CAMK4: variants seen among roughly 807,000 people sequenced by gnomAD.
CAMK4 encodes the protein calcium/calmodulin-dependent protein kinase type IV.
CAMK4 carries 22 observed loss-of-function variants against 44.9 expected under a neutral mutation model. The observed-to-expected ratio is 0.49, with a 90% confidence interval of 0.35 to 0.70. The LOEUF (loss-of-function observed/expected upper bound fraction) is 0.70. Among genes scored for constraint, CAMK4 ranks in the 30% least tolerant of loss-of-function variants. CAMK4 has a pLI of 0.01. For missense variants in CAMK4, 498 were observed against 586.8 expected (o/e 0.85, Z 1.56); for synonymous variants, 218 against 215.4 (o/e 1.01, Z -0.11).
At chr5:111,243,266 C>T (rs1428332964) in intron 1 of CAMK4, among the ~76,000 whole-genome samples, 1 of 152,122 alleles carries the variant, frequency 6.6e-6, no homozygotes, top group Admixed American at 6.5e-5. Context: ...TAAGAGGAAA[C>T]ATCGGTGATA....
chr5:111,289,539 C>T (rs2112621564), intron 1 of CAMK4, among the ~76,000 whole-genome samples: 1 of 152,310 alleles, frequency 6.6e-6, no homozygotes, highest in East Asian at 1.9e-4. Context: ...AGCTAATAGT[C>T]TTAATTGTTG....
In CAMK4 at chr5:111,424,434, C is replaced by CTTT. The variant is rs34618322; in HGVS notation, c.460-22226_460-22224dup. On this transcript the variant is annotated intron_variant, in intron 5 of 10. Transcript: ENST00000282356. ...TATATGCATATATGCATCTTCTATT[C>CTTT]TTTTTTTTTTTTTTTTTTTTTTTTT... is the stretch of plus-strand genomic sequence containing the variant. Among the ~76,000 whole-genome samples the CTTT allele has an allele frequency of 3.9e-4, 25 of 64,916 alleles. 1 individual carries two copies. The highest frequency in any genetic ancestry group is 7.2e-4 in the South Asian group (1 of 1,392). The allele number at this position is 64,916 out of a possible 152,430, so 42.6% of individuals were successfully genotyped here.
In CAMK4 at chr5:111,482,874, T is replaced by G. The variant is rs753752146; in HGVS notation, c.918T>G (p.Asn306Lys). The part of the protein sequence containing the change: ...QHPWVTGKAA[N>K]FVHMDTAQKK... ...CGTGGGTCACAGGTAAAGCAGCCAA[T>G]TTTGTACACATGGATACCGCTCAAA... The change falls in exon 10 of 11, where the codon AAT becomes AAG. Residue 306 changes from asparagine to lysine, a missense_variant. Around this residue, in one of 3 missense-constraint regions of CAMK4, gnomAD observed 203 missense variants for 298.2 expected, o/e 0.68. Coordinates refer to ENST00000282356, the MANE Select transcript of CAMK4 (RefSeq NM_001744.6). This position sits in a 1 kb window ranked among gnomAD's most constrained non-coding sequence, Gnocchi z 4.9. The G allele has an allele frequency of 5.0e-6, 8 of 1,613,732 alleles. No homozygotes were observed. In the Middle Eastern group the frequency reaches 6.6e-4, roughly 133 times the overall value.
intron 1 of CAMK4, among the ~76,000 whole-genome samples, chr5:111,311,275 A>C (rs535460612): frequency 3.9e-5 from 6 of 152,200 alleles, no homozygotes; most frequent in Non-Finnish European, 8.8e-5. Context: ...TGGCAGATGG[A>C]GGGGCTGCCT....
At chr5:111,370,235 CTGAG>C (rs1431165124) in intron 2 of CAMK4, among the ~76,000 whole-genome samples, 1 of 152,090 alleles carries the variant, frequency 6.6e-6, no homozygotes, top group Non-Finnish European at 1.5e-5. Context: ...CTGGCCTGTT[CTGAG>C]TATTTTTTGA....
chr5:111,441,596 A>C (rs571417455), intron 5 of CAMK4, among the ~76,000 whole-genome samples: 1 of 152,260 alleles, frequency 6.6e-6, no homozygotes, highest in African/African-American at 2.4e-5. Flanking sequence ...CAGATTTTAA[A>C]AATCTTCTCC....
intron 1 of CAMK4, among the ~76,000 whole-genome samples, chr5:111,261,755 A>G (rs1014613840): frequency 2.0e-5 from 3 of 152,062 alleles, no homozygotes; most frequent in African/African-American, 7.2e-5. Flanking sequence ...TTACCCCTTC[A>G]GGTATGGGGC....
chr5:111,230,794 T>A (rs1457116), intron 1 of CAMK4, among the ~76,000 whole-genome samples: 151,949 of 152,104 alleles, frequency 1, 75,899 homozygotes, highest in Middle Eastern at 1. Flanking sequence ...TTTGTTAATA[T>A]TTTTTTTCTT....
intron 7 of CAMK4, among the ~76,000 whole-genome samples, chr5:111,470,156 T>C (rs1755013090): frequency 6.6e-6 from 1 of 152,230 alleles, no homozygotes; most frequent in African/African-American, 2.4e-5. Flanking sequence ...TGAGTTCCCC[T>C]TTACAAGGGA....
chr5:111,341,537 C>A (rs1224351611), intron 1 of CAMK4, among the ~76,000 whole-genome samples: 1 of 150,378 alleles, frequency 6.6e-6, no homozygotes, highest in African/African-American at 2.4e-5. Flanking sequence ...ATTTTTGGAT[C>A]CTTTTTTAAA....
chr5:111,444,518 T>TCCACACTGGG (rs1753959515), intron 5 of CAMK4, among the ~76,000 whole-genome samples: 1 of 152,114 alleles, frequency 6.6e-6, no homozygotes, highest in East Asian at 1.9e-4. Flanking sequence ...TCCTGCAGAA[T>TCCACACTGGG]CCACACTGGG....
At chr5:111,251,345 T>C (rs1215236502) in intron 1 of CAMK4, among the ~76,000 whole-genome samples, 2 of 152,262 alleles carry the variant, frequency 1.3e-5, no homozygotes, top group African/African-American at 4.8e-5. Flanking sequence ...TTTTGAATTC[T>C]TTCTCTGAGG....
intron 1 of CAMK4, among the ~76,000 whole-genome samples, chr5:111,343,538 C>G (rs1007962268): frequency 3.3e-5 from 5 of 151,792 alleles, no homozygotes; most frequent in African/African-American, 1.2e-4. Context: ...ACCATCTCCT[C>G]TACACGTTAA....
chr5:111,346,418 T>A lies in CAMK4; in HGVS notation c.240+2316T>A, dbSNP rs148637781. Among the ~76,000 whole-genome samples, 794 of 152,034 alleles carry A rather than the reference T, an allele frequency of 5.2e-3. 7 individuals are homozygous for A. The highest frequency in any genetic ancestry group is 0.018 in the African/African-American group (734 of 41,510). On this transcript the variant is annotated intron_variant, in intron 2 of 10. Coordinates refer to ENST00000282356, the MANE Select transcript of CAMK4 (RefSeq NM_001744.6). ...AACAACTTTGGGACTACTATATTAC[T>A]TCAATGGATGGTTTCTTCAGTCCTC... is the stretch of plus-strand genomic sequence containing the variant.
intron 5 of CAMK4, among the ~76,000 whole-genome samples, chr5:111,434,259 C>G (rs544107713): frequency 1.5e-4 from 22 of 145,884 alleles, no homozygotes; most frequent in African/African-American, 5.2e-4. Flanking sequence ...CGCCACTGCA[C>G]TGTAGCCTGG....
At chr5:111,248,222 A>G (rs1020218963) in intron 1 of CAMK4, among the ~76,000 whole-genome samples, 2 of 152,228 alleles carry the variant, frequency 1.3e-5, no homozygotes, top group African/African-American at 4.8e-5. Flanking sequence ...GTGGAAATTT[A>G]ATAAATGTTG....
intron 1 of CAMK4, among the ~76,000 whole-genome samples, chr5:111,248,927 T>G (rs1015588035): frequency 6.6e-6 from 1 of 150,784 alleles, no homozygotes; most frequent in Non-Finnish European, 1.5e-5. Flanking sequence ...CCTGGATCTC[T>G]GTTAAATCCT....
chr5:111,237,807 G>C (rs1748797274), intron 1 of CAMK4, among the ~76,000 whole-genome samples: 1 of 152,210 alleles, frequency 6.6e-6, no homozygotes, highest in Non-Finnish European at 1.5e-5. Flanking sequence ...AAGACCTAAG[G>C]AGAGGGTCTT....
Position 111,262,380 on chromosome 5 carries a change from G to T in CAMK4, c.161+37736G>T, listed in dbSNP as rs1028389334. On this transcript the variant is annotated intron_variant, in intron 1 of 10. Transcript: ENST00000282356. ...AGTTAGGCTCCCACTCTCCTACAGA[G>T]GCTGAGAGGGTACTATCTTTCTTGA... Among the ~76,000 whole-genome samples, 3 of 152,118 alleles carry T rather than the reference G, an allele frequency of 2.0e-5. No homozygotes were observed. In the East Asian group the frequency reaches 5.8e-4, roughly 29 times the overall value.
Sources: allele counts gnomAD v4.1 joint callset (sites outside exome capture counted in the v4.1 genomes callset), GRCh38; gene constraint gnomAD v4.1.1; regional missense constraint gnomAD v4.1.1; non-coding constraint Gnocchi (gnomAD v3.1); transcripts MANE v1.5; gene names NCBI Gene and HGNC (gene_info 2026-07-23, HGNC 2026-07-21).